Variants in TXLNB observed in about 807,000 individuals in gnomAD.
TXLNB encodes taxilin beta.
A neutral mutation model predicts 57.4 loss-of-function variants in TXLNB; 37 were observed. The ratio of observed to expected loss-of-function variants is 0.64; its 90% CI spans 0.50 to 0.85. The LOEUF (loss-of-function observed/expected upper bound fraction) is 0.85, where lower values mean the gene tolerates loss of function less well. TXLNB is among the 40% of genes least tolerant of loss of function. The pLI is 0.00. For missense variants in TXLNB, 848 were observed against 825.6 expected (o/e 1.03, Z -0.33); for synonymous variants, 302 against 309.6 (o/e 0.98, Z 0.26).
At chr6:139,166,640 A>T in the TXLNB span, 1 of 1,614,212 alleles carries the variant, frequency 6.2e-7, no homozygotes, top group Middle Eastern at 1.6e-4. Context: ...CTCCGAGAAG[A>T]ACACAGGGAG....
the TXLNB span, among the ~76,000 whole-genome samples, chr6:139,207,726 C>T: frequency 6.6e-6 from 1 of 152,040 alleles, no homozygotes; most frequent in African/African-American, 2.4e-5. Flanking sequence ...AAATTGATGG[C>T]CCGTTAGTGA....
At chr6:139,166,346 G>T in the TXLNB span, 1 of 1,613,914 alleles carries the variant, frequency 6.2e-7, no homozygotes, top group South Asian at 1.1e-5. Context: ...GGAGAAGGAC[G>T]ACTACCAGAA....
the TXLNB span, among the ~76,000 whole-genome samples, chr6:139,226,332 T>G: frequency 1.6e-5 from 2 of 124,358 alleles, no homozygotes; most frequent in East Asian, 2.4e-4. Context: ...AAAAAAGAGA[T>G]AGAGAGAGAG....
chr6:139,177,575 G>T, the TXLNB span: 4 of 153,288 alleles, frequency 2.6e-5, no homozygotes, highest in African/African-American at 9.6e-5. This position sits in a 1 kb window ranked among gnomAD's most constrained non-coding sequence, Gnocchi z 4.9. Flanking sequence ...GTCTATCTCA[G>T]CCTAGTGTTC....
Position 139,240,489 on chromosome 6 carries a change from T to C in TXLNB, c.*2037A>G, listed in dbSNP as rs1775907285. ...TCTGCTGCCTGTTTCTCTTGCTAAA[T>C]ATTCAGACTGAGACTTTACTATGAC... On this transcript the variant is annotated 3_prime_UTR_variant, in exon 10 of 10. Transcript: ENST00000358430. 1 of 152,666 alleles carries C rather than the reference T, an allele frequency of 6.6e-6. No individual in the cohort carries two copies. Among genetic ancestry groups the C allele is most frequent in the Non-Finnish European group, 1.5e-5 (1 of 68,044 alleles). The allele number at this position is 152,666 out of a possible 1,614,324, so 9.5% of individuals were successfully genotyped here.
At chr6:139,208,394 A>G in the TXLNB span, among the ~76,000 whole-genome samples, 8 of 152,204 alleles carry the variant, frequency 5.3e-5, no homozygotes, top group Non-Finnish European at 2.9e-5. Context: ...CAATCCTGAA[A>G]CTATTCCAAA....
chr6:139,185,087 T>C, the TXLNB span, among the ~76,000 whole-genome samples: 3 of 152,202 alleles, frequency 2.0e-5, no homozygotes, highest in Non-Finnish European at 1.5e-5. Flanking sequence ...GTGAAGCCTA[T>C]AGGCTTGCGT....
chr6:139,161,633 C>T, the TXLNB span, among the ~76,000 whole-genome samples: 1 of 152,296 alleles, frequency 6.6e-6, no homozygotes, highest in South Asian at 2.1e-4. Context: ...TCTCTTAATC[C>T]ACCTTTCTTT....
At chr6:139,244,473 C>G in intron 9 of TXLNB, 122 bp downstream of exon 9, 1 of 696,068 alleles carries the variant, frequency 1.4e-6, no homozygotes, top group South Asian at 1.8e-5. Context: ...CATCCTGCCA[C>G]CCCAAATTCA....
In TXLNB at chr6:139,242,472, G is replaced by GT; in HGVS notation, c.*53dup. The GT allele has an allele frequency of 7.0e-7, 1 of 1,418,496 alleles. No individual in the cohort carries two copies. The highest frequency in any genetic ancestry group is 9.3e-7 in the Non-Finnish European group (1 of 1,077,164). 87.9% of individuals were successfully genotyped at this position (1,418,496 alleles called of 1,614,324 possible). ...TAATGCCTTTTTCGGAAGACAAGCT[G>GT]TTATGCTGAATATGCAAAGAGGCAG... On this transcript the variant is annotated 3_prime_UTR_variant, in exon 10 of 10. Transcript: ENST00000358430.
Position 139,283,993 on chromosome 6 carries a change from G to A in TXLNB, c.424+4483C>T, listed in dbSNP as rs528596333. Among the ~76,000 whole-genome samples, 7 of 145,878 alleles carry A rather than the reference G, an allele frequency of 4.8e-5. 1 individual carries two copies. Among genetic ancestry groups the A allele is most frequent in the African/African-American group, 1.5e-4 (6 of 39,698 alleles). ...TGTTTATATTTTCTCCAAAAGAGCA[G>A]AGAAAACACTTTCTGAAGAATCAGA... On this transcript the variant is annotated intron_variant, in intron 2 of 9. Coordinates refer to ENST00000358430, the MANE Select transcript of TXLNB (RefSeq NM_153235.4).
chr6:139,237,003 G>A (rs1775843071), downstream of TXLNB, among the ~76,000 whole-genome samples: 1 of 152,140 alleles, frequency 6.6e-6, no homozygotes, highest in Admixed American at 6.5e-5. Flanking sequence ...TGGAGCTGTG[G>A]TGTTAAAGTG....
At position 139,270,477 on chromosome 6, in the gene TXLNB, C is replaced by T; in HGVS notation, c.666G>A (p.Gln222=). 2 of 1,614,078 alleles carry T rather than the reference C, an allele frequency of 1.2e-6. No individual in the cohort carries two copies. The highest frequency in any genetic ancestry group is 2.2e-5 in the East Asian group (1 of 44,886). ...ATACCTTCAGAGTCTTGTTGTGTCT[C>T]TGCAGCTCCCGGCACAGACTCTCCA... ...SKLESLCREL[Q]RHNKTLKEEA... is the part of the protein sequence containing the mutation. The change falls in exon 4 of 10, where the codon CAG becomes CAA. Residue 222 remains glutamine (Q), a synonymous_variant. Coordinates refer to ENST00000358430, the MANE Select transcript of TXLNB (RefSeq NM_153235.4).
chr6:139,277,548 T>C (rs568175007), intron 2 of TXLNB, among the ~76,000 whole-genome samples: 1 of 152,148 alleles, frequency 6.6e-6, no homozygotes, highest in Admixed American at 6.5e-5. Flanking sequence ...TCCTACCAAA[T>C]AGAATAAAAT....
chr6:139,212,335 A>G, the TXLNB span, among the ~76,000 whole-genome samples: 3 of 152,162 alleles, frequency 2.0e-5, no homozygotes, highest in Admixed American at 2.0e-4. Flanking sequence ...AACATTCTTA[A>G]AGAAAAGAAT....
rs1583030458 is a variant in TXLNB at position 139,286,669 on chromosome 6, C to T, written c.424+1807G>A. Among the ~76,000 whole-genome samples the T allele has an allele frequency of 2.0e-5, 3 of 152,314 alleles. No individual in the cohort carries two copies. The South Asian group carries it at 6.2e-4, about 32-fold the overall frequency. The stretch of plus-strand genomic sequence containing the variant: ...AAAACTTCATCTGTATTTGCAGCTG[C>T]TCCCCATCACTCACATTACCACCTG... On this transcript the variant is annotated intron_variant, in intron 2 of 9. Transcript: ENST00000358430.
At chr6:139,298,992 C>T in the TXLNB span, among the ~76,000 whole-genome samples, 2 of 152,220 alleles carry the variant, frequency 1.3e-5, no homozygotes, top group Admixed American at 6.5e-5. Context: ...GTGGAAACTT[C>T]CTGAAACTCT....
At chr6:139,238,234 AAAT>A (rs1401245082), downstream of TXLNB, among the ~76,000 whole-genome samples, 14 of 152,210 alleles carry the variant, frequency 9.2e-5, no homozygotes, top group South Asian at 1.7e-3. Context: ...TCTCTACTAA[AAAT>A]ACAAAAGTTA....
chr6:139,258,301 C>T (rs1419872633), intron 6 of TXLNB, among the ~76,000 whole-genome samples: 1 of 152,134 alleles, frequency 6.6e-6, no homozygotes, highest in Non-Finnish European at 1.5e-5. Context: ...CTCTCATGTG[C>T]ATCTTTGTCT....
Sources: gnomAD v4.1 joint callset for allele counts (sites outside exome capture counted in the v4.1 genomes callset) on GRCh38, gnomAD v4.1.1 for gene constraint, Gnocchi (gnomAD v3.1) non-coding constraint, MANE v1.5 for transcripts, NCBI Gene and HGNC (gene_info 2026-07-23, HGNC 2026-07-21) for gene names.